Variants in PRKCZ observed in about 807,000 individuals in gnomAD.
The protein encoded by PRKCZ is protein kinase C zeta.
Under a neutral mutation model 79.5 loss-of-function variants are expected in PRKCZ, and 33 were observed. The ratio of observed to expected loss-of-function variants is 0.41; its 90% CI spans 0.31 to 0.55. The LOEUF (loss-of-function observed/expected upper bound fraction) is 0.55. Ranked by LOEUF, PRKCZ falls within the 20% of genes least tolerant of loss-of-function variation. The probability of loss-of-function intolerance (pLI) is 0.19; values close to 1 mark genes in which losing one functional copy is unlikely to be tolerated. For synonymous variants in PRKCZ, 342 were observed against 320.9 expected (o/e 1.07, Z -0.70); for missense variants, 578 against 813.5 (o/e 0.71, Z 3.52).
intron 10 of PRKCZ, among the ~76,000 whole-genome samples, chr1:2,164,143 G>T (rs169037): frequency 0.39 from 59,244 of 151,822 alleles, 11,601 homozygotes; most frequent in Admixed American, 0.42. Flanking sequence ...GATTTTTTTT[G>T]GTTGATATTC....
chr1:2,123,892 G>A (rs1210192042), intron 4 of PRKCZ, among the ~76,000 whole-genome samples: 1 of 10,104 alleles, frequency 9.9e-5, no homozygotes, highest in African/African-American at 6.8e-4. Context: ...TCACGGCGGC[G>A]GTTAGGGTCA....
intron 10 of PRKCZ, among the ~76,000 whole-genome samples, chr1:2,163,135 G>A (rs1364537736): frequency 1.3e-5 from 2 of 152,196 alleles, no homozygotes; most frequent in African/African-American, 4.8e-5. Flanking sequence ...GACACTGGAC[G>A]GCCCTGTCCT....
At chr1:2,091,361 A>T (rs1665469818) in intron 4 of PRKCZ, among the ~76,000 whole-genome samples, 1 of 152,212 alleles carries the variant, frequency 6.6e-6, no homozygotes, top group South Asian at 2.1e-4. Context: ...TTGTGGTAAA[A>T]TACCTATAAC....
rs931105683 is a variant in PRKCZ, at chr1:2,178,350, G to C, written c.1575+3037G>C. 6.6e-5 allele frequency among the ~76,000 whole-genome samples: 10 copies of C among 152,204 alleles called. No homozygotes were observed. Among genetic ancestry groups the C allele is most frequent in the Non-Finnish European group, 1.2e-4 (8 of 68,034 alleles). On this transcript the variant is annotated intron_variant, in intron 16 of 17. Coordinates refer to ENST00000378567, the MANE Select transcript of PRKCZ (RefSeq NM_002744.6). This position sits in a 1 kb window ranked among gnomAD's most constrained non-coding sequence, Gnocchi z 4.3. ...TGTCTCCACAAGCTGCACCCACACA[G>C]TAGCACGTGGCACTGCCTCCTTCCT... is the stretch of plus-strand genomic sequence containing the variant.
At chr1:2,052,575 C>T (rs1198606178) in intron 1 of PRKCZ, among the ~76,000 whole-genome samples, 3 of 151,910 alleles carry the variant, frequency 2.0e-5, no homozygotes, top group African/African-American at 4.8e-5. Context: ...CATTCCTTCT[C>T]TCCTCTCTCC....
chr1:2,060,161 C>G (rs981678301), intron 4 of PRKCZ, among the ~76,000 whole-genome samples: 1 of 152,248 alleles, frequency 6.6e-6, no homozygotes, highest in African/African-American at 2.4e-5. Flanking sequence ...TGGGGTTCCA[C>G]CCCCACTCTC....
At chr1:2,089,995 G>T (rs538479279) in intron 4 of PRKCZ, among the ~76,000 whole-genome samples, 5 of 152,136 alleles carry the variant, frequency 3.3e-5, no homozygotes, top group African/African-American at 1.2e-4. Flanking sequence ...TGAGGAGCCC[G>T]GGCCAGGCCT....
intron 16 of PRKCZ, among the ~76,000 whole-genome samples, chr1:2,176,369 C>G (rs1217975753): frequency 1.3e-5 from 2 of 151,994 alleles, no homozygotes; most frequent in East Asian, 1.9e-4. Context: ...GAAGTGCAGT[C>G]TCCACCCAGG....
chr1:2,175,199 T>TCCTTGTTTGAACTCTGACCTCC, intron 15 of PRKCZ, 25 bp from the exon 16 acceptor site: 1 of 1,604,652 alleles, frequency 6.2e-7, no homozygotes, highest in Non-Finnish European at 8.5e-7. Context: ...GGCTGACTTG[T>TCCTTGTTTGAACTCTGACCTCC]CCTTGTTTGA....
intron 16 of PRKCZ, chr1:2,181,787 G>A (rs559167345): frequency 7.3e-5 from 33 of 454,746 alleles, no homozygotes; most frequent in Non-Finnish European, 1.4e-4. Flanking sequence ...ACTAAGGTAG[G>A]GAAAGTACTT....
At chr1:2,073,703 C>G (rs1004019527) in intron 4 of PRKCZ, 4 of 993,956 alleles carry the variant, frequency 4.0e-6, no homozygotes, top group Non-Finnish European at 4.8e-6. Context: ...CGGGTACCAC[C>G]CGGGCCTGGA....
intron 7 of PRKCZ, 101 bp from the exon 8 acceptor site, chr1:2,148,771 C>T: frequency 8.4e-7 from 1 of 1,191,744 alleles, no homozygotes. Flanking sequence ...ATTCACCCTT[C>T]ACCGTCACCC....
intron 4 of PRKCZ, chr1:2,104,608 G>A (rs1255756126): frequency 2.3e-6 from 2 of 888,556 alleles, no homozygotes; most frequent in East Asian, 1.2e-4. Flanking sequence ...GGATGGCCGC[G>A]ATGAGGCCCT....
intron 5 of PRKCZ, among the ~76,000 whole-genome samples, chr1:2,137,445 C>T (rs1557655817): frequency 6.6e-6 from 1 of 152,198 alleles, no homozygotes; most frequent in Non-Finnish European, 1.5e-5. Flanking sequence ...TCCTTCAACC[C>T]AGTCAAGTCG....
At chr1:2,101,523 A>C (rs1219443057) in intron 4 of PRKCZ, among the ~76,000 whole-genome samples, 1 of 152,022 alleles carries the variant, frequency 6.6e-6, no homozygotes, top group Non-Finnish European at 1.5e-5. Context: ...TCTTTCGTTC[A>C]TTCATTCATT....
At chr1:2,088,941 A>G (rs1345896440) in intron 4 of PRKCZ, among the ~76,000 whole-genome samples, 1 of 152,008 alleles carries the variant, frequency 6.6e-6, no homozygotes, top group African/African-American at 2.4e-5. Context: ...CTTTTGTTTT[A>G]TTTTGTTTTG....
chr1:2,156,674 TG>T (rs933487714), intron 10 of PRKCZ: 2 of 153,066 alleles, frequency 1.3e-5, no homozygotes, highest in African/African-American at 4.8e-5. Context: ...CATACTGCAC[TG>T]GGGAGATAAA....
At chr1:2,175,985 G>A (rs1395992471) in intron 16 of PRKCZ, among the ~76,000 whole-genome samples, 1 of 152,212 alleles carries the variant, frequency 6.6e-6, no homozygotes, top group Non-Finnish European at 1.5e-5. Flanking sequence ...TTTATCAGCA[G>A]TTACTGGACA....
chr1:2,086,529 C>T (rs1475158586), intron 4 of PRKCZ, among the ~76,000 whole-genome samples: 1 of 152,224 alleles, frequency 6.6e-6, no homozygotes, highest in Non-Finnish European at 1.5e-5. Flanking sequence ...TTGTGTGTTG[C>T]TCGCATCCGG....
Sources: gnomAD v4.1 joint callset for allele counts (sites outside exome capture counted in the v4.1 genomes callset) on GRCh38, gnomAD v4.1.1 for gene constraint, Gnocchi (gnomAD v3.1) non-coding constraint, MANE v1.5 for transcripts, NCBI Gene and HGNC (gene_info 2026-07-23, HGNC 2026-07-21) for gene names.